NAA30: variants seen among roughly 807,000 people sequenced by gnomAD.
NAA30 encodes N-alpha-acetyltransferase 30, NatC catalytic subunit, also known as N-alpha-acetyltransferase 30.
A neutral mutation model predicts 31.4 loss-of-function variants in NAA30; 5 were observed. The ratio of observed to expected loss-of-function variants is 0.16; its 90% CI spans 0.08 to 0.33. The LOEUF is 0.33. Among genes scored for constraint, NAA30 ranks in the 10% least tolerant of loss-of-function variants. The probability of loss-of-function intolerance (pLI) is 1.00; values close to 1 mark genes in which losing one functional copy is unlikely to be tolerated. For missense variants in NAA30, 428 were observed against 490.8 expected (o/e 0.87, Z 1.21); for synonymous variants, 222 against 207.1 (o/e 1.07, Z -0.62).
At chr14:57,400,886 G>T (rs963124209) in intron 4 of NAA30, among the ~76,000 whole-genome samples, 9 of 89,388 alleles carry the variant, frequency 1.0e-4, no homozygotes, top group South Asian at 7.6e-4. Flanking sequence ...TTGTTGTGGG[G>T]TTTTTTTTTG....
rs2066452693 is a variant in NAA30 at position 57,396,785 on chromosome 14, G to A, written c.805G>A (p.Val269Ile). ...MVGEECVGAI[V>I]CKLDMHKKMF... ...AGGGGAGGAGTGTGTAGGTGCCATC[G>A]TTTGCAAGTTGGATATGCACAAAAA... is the stretch of plus-strand genomic sequence containing the variant. The change falls in exon 3 of 5, where the codon GTT becomes ATT. Residue 269 changes from valine (V) to isoleucine (I), a missense_variant. Around this residue, in one of 2 missense-constraint regions of NAA30, gnomAD observed 79 missense variants for 180.3 expected, o/e 0.44. Transcript: ENST00000556492. The A allele has an allele frequency of 1.2e-5, 20 of 1,614,036 alleles. No individual in the cohort carries two copies. The highest frequency in any genetic ancestry group is 1.7e-5 in the Non-Finnish European group (20 of 1,179,934).
chr14:57,404,279 G>A (rs560868938), intron 4 of NAA30, among the ~76,000 whole-genome samples: 6 of 152,160 alleles, frequency 3.9e-5, no homozygotes, highest in African/African-American at 9.6e-5. Context: ...CCGAGATCGC[G>A]CCATTGCACT....
At chr14:57,400,524 G>T (rs1369750896) in intron 4 of NAA30, among the ~76,000 whole-genome samples, 1 of 152,214 alleles carries the variant, frequency 6.6e-6, no homozygotes, top group Non-Finnish European at 1.5e-5. Flanking sequence ...AACTAGAGAA[G>T]TATAGATGTC....
intron 4 of NAA30, among the ~76,000 whole-genome samples, chr14:57,406,069 T>C (rs929590416): frequency 1.3e-5 from 2 of 152,322 alleles, no homozygotes; most frequent in South Asian, 4.1e-4. Flanking sequence ...AAAAATTAGT[T>C]ACTTTATCCT....
chr14:57,407,015 C>T (rs547608649), intron 4 of NAA30, among the ~76,000 whole-genome samples: 3 of 152,182 alleles, frequency 2.0e-5, no homozygotes, highest in African/African-American at 7.2e-5. Context: ...ACCTCTGCCC[C>T]TCCAAGTAGC....
rs756624234 is a variant in NAA30 at position 57,391,456 on chromosome 14, A to G, written c.499A>G (p.Asn167Asp). 6.2e-7 allele frequency: 1 copy of G among 1,610,438 alleles called. No individual in the cohort carries two copies. The highest frequency in any genetic ancestry group is 1.1e-5 in the South Asian group (1 of 90,926). The change falls in exon 2 of 5, where the codon AAT (asparagine) becomes GAT (aspartate). Residue 167 changes from asparagine (N) to aspartate (D), a missense_variant. Coordinates refer to ENST00000556492, the MANE Select transcript of NAA30 (RefSeq NM_001011713.3). The surrounding 1 kb of genome is among the most constrained non-coding windows in gnomAD (Gnocchi z 4.1). ...AAASDPAAAR[N>D]GLAEGTEQEE... ...GGCGAGCGATCCCGCGGCGGCCCGC[A>G]ATGGACTGGCCGAGGGCACCGAGCA...
rs1482501691 is a variant in NAA30 at position 57,409,374 on chromosome 14, TG to T, written c.952-4del. The T allele has an allele frequency of 7.5e-6, 12 of 1,591,950 alleles. No individual in the cohort carries two copies. The highest frequency in any genetic ancestry group is 9.4e-6 in the Non-Finnish European group (11 of 1,172,556). On this transcript the variant is annotated splice_region_variant and splice_polypyrimidine_tract_variant and intron_variant, in intron 4 of 4. Transcript: ENST00000556492. ...TAACTTAGTTTTTTTCTCATTTCTT[TG>T]AAGGTTGTTTTGGAAACCGAAATAA...
rs1229496310 is a variant in NAA30, at chr14:57,413,175, G to T, written c.*3659G>T. 7.0e-6 allele frequency: 1 copy of T among 142,340 alleles called. No homozygotes were observed. The highest frequency in any genetic ancestry group is 1.5e-5 in the Non-Finnish European group (1 of 65,484). The allele number at this position is 142,340 out of a possible 1,614,324, so 8.8% of individuals were successfully genotyped here. A position where few individuals can be genotyped will look rare whatever the true frequency, so the allele number is the denominator to read the frequency against. ...AGTAAAATAGAGCAATATCCAAAGA[G>T]CTTTTTGCCCCTGTCTTGTGAGGAG... On this transcript the variant is annotated 3_prime_UTR_variant, in exon 5 of 5. Transcript: ENST00000556492.
chr14:57,391,536 C>A lies in NAA30; in HGVS notation c.579C>A (p.Ala193=). Residue 193 remains alanine (A), a synonymous_variant, in exon 2 of 5, where the codon GCC becomes GCA. Transcript: ENST00000556492. The surrounding 1 kb of genome is among the most constrained non-coding windows in gnomAD (Gnocchi z 4.1). ...GGCTGCTGTCTTCGTCCCTGACCGC[C>A]GACTGCAGCTTAAGAAGCCCTTCGG... ...QVRLLSSSLT[A]DCSLRSPSGR... is the part of the protein sequence containing the mutation. 6.2e-7 allele frequency: 1 copy of A among 1,613,894 alleles called. No individual in the cohort carries two copies. Among genetic ancestry groups the A allele is most frequent in the Non-Finnish European group, 8.5e-7 (1 of 1,180,014 alleles).
rs1249637424 is a variant in NAA30, at chr14:57,411,289, A to G, written c.*1773A>G. 2.0e-5 allele frequency: 3 copies of G among 152,124 alleles called. No individual in the cohort carries two copies. Among genetic ancestry groups the G allele is most frequent in the Admixed American group, 6.5e-5 (1 of 15,270 alleles). The allele number at this position is 152,124 out of a possible 1,614,324, so 9.4% of individuals were successfully genotyped here. A position where few individuals can be genotyped will look rare whatever the true frequency, so the allele number is the denominator to read the frequency against. ...ATACAATACTGGTTATAATAAAAAT[A>G]TGGTAACCACACAGTACTCAGCCTT... On this transcript the variant is annotated 3_prime_UTR_variant, in exon 5 of 5. Coordinates refer to ENST00000556492, the MANE Select transcript of NAA30 (RefSeq NM_001011713.3).
rs756029684 is a variant in NAA30 at position 57,391,758 on chromosome 14, C to T, written c.771+30C>T. The T allele has an allele frequency of 3.2e-6, 5 of 1,555,890 alleles. No homozygotes were observed. In the Admixed American group the frequency reaches 8.9e-5, roughly 28 times the overall value. ...GTGGATAGAATAAAAAGAGGGTGAA[C>T]CCAGCAGTGATCGAGACTGTGCGGG... On this transcript the variant is annotated intron_variant, in intron 2 of 4. Transcript: ENST00000556492. The surrounding 1 kb of genome is among the most constrained non-coding windows in gnomAD (Gnocchi z 4.1).
intron 2 of NAA30, among the ~76,000 whole-genome samples, chr14:57,393,546 A>T (rs2066438585): frequency 6.6e-6 from 1 of 152,176 alleles, no homozygotes; most frequent in South Asian, 2.1e-4. Flanking sequence ...CTATTTTTTT[A>T]AAAATACAGA....
Position 57,399,006 on chromosome 14 carries a change from C to T in NAA30, c.896-822C>T, listed in dbSNP as rs1380123914. ...GCCTCCAAAATGCTGGGATTACAGGCGTGAGCCACCACGCCTGGCCAATTT... is the reference window on the plus strand; with the variant it reads ...GCCTCCAAAATGCTGGGATTACAGGTGTGAGCCACCACGCCTGGCCAATTT... On this transcript the variant is annotated intron_variant, in intron 3 of 4. Transcript: ENST00000556492. 3.3e-5 allele frequency among the ~76,000 whole-genome samples: 5 copies of T among 151,796 alleles called. No homozygotes were observed. The East Asian group carries it at 7.7e-4, about 24-fold the overall frequency.
chr14:57,396,623 G>T (rs2066451549), intron 2 of NAA30, 129 bp from the exon 3 acceptor site: 1 of 855,200 alleles, frequency 1.2e-6, no homozygotes, highest in African/African-American at 1.7e-5. Flanking sequence ...TGTGACTGCT[G>T]TCTTGCAAGA....
Position 57,390,949 on chromosome 14 carries a change from G to A in NAA30, c.-1-8G>A. On this transcript the variant is annotated splice_region_variant and splice_polypyrimidine_tract_variant and intron_variant, in intron 1 of 4. Transcript: ENST00000556492. ...ATGGCCTCCCCTCTCGGTCTGTGTC[G>A]CTTCTAGGATGGCGGAGGTACCGCC... 3.4e-6 allele frequency: 5 copies of A among 1,469,448 alleles called. No homozygotes were observed. Among genetic ancestry groups the A allele is most frequent in the Non-Finnish European group, 4.5e-6 (5 of 1,115,618 alleles). The allele number at this position is 1,469,448 out of a possible 1,614,324, so 91.0% of individuals were successfully genotyped here. A position where few individuals can be genotyped will look rare whatever the true frequency, so the allele number is the denominator to read the frequency against.
Position 57,390,971 on chromosome 14 carries a change from C to T in NAA30, c.14C>T (p.Pro5Leu). 1 of 1,484,052 alleles carries T rather than the reference C, an allele frequency of 6.7e-7. No individual in the cohort carries two copies. Among genetic ancestry groups the T allele is most frequent in the Non-Finnish European group, 8.9e-7 (1 of 1,123,980 alleles). The allele number at this position is 1,484,052 out of a possible 1,614,324, so 91.9% of individuals were successfully genotyped here. MAEV[P>L]PGPSSLLPPP... is the part of the protein sequence containing the mutation. ...GTCGCTTCTAGGATGGCGGAGGTAC[C>T]GCCTGGGCCTAGCAGCCTCCTCCCA... The change falls in exon 2 of 5, where the codon CCG becomes CTG. Residue 5 changes from proline (P) to leucine (L), a missense_variant. By Grantham distance (98) the Pro-to-Leu change is moderately conservative (BLOSUM62 -3). This residue lies in a region of NAA30 where 349 missense variants were observed against 310.4 expected (regional missense o/e 1.12). Transcript: ENST00000556492.
chr14:57,390,913 G>A, intron 1 of NAA30, 44 bp from the exon 2 acceptor site: 2 of 1,446,592 alleles, frequency 1.4e-6, no homozygotes, highest in Non-Finnish European at 1.8e-6. Flanking sequence ...CGCGCTCCTC[G>A]GCCGGGTTTC....
Position 57,400,340 on chromosome 14 carries a change from C to T in NAA30, c.951+457C>T, listed in dbSNP as rs540403270. On this transcript the variant is annotated intron_variant, in intron 4 of 4. Coordinates refer to ENST00000556492, the MANE Select transcript of NAA30 (RefSeq NM_001011713.3). ...CACTTTTAAAGAGTAGAGCTATCTG[C>T]GCATTAACATAAGAGCATTTTCTCT... Among the ~76,000 whole-genome samples, 9 of 152,280 alleles carry T rather than the reference C, an allele frequency of 5.9e-5. No individual in the cohort carries two copies. In the South Asian group the frequency reaches 1.7e-3, roughly 28 times the overall value.
In NAA30 at chr14:57,409,426, T is replaced by C; in HGVS notation, c.999T>C (p.Tyr333=). 6.2e-7 allele frequency: 1 copy of C among 1,611,194 alleles called. No homozygotes were observed. The highest frequency in any genetic ancestry group is 8.5e-7 in the Non-Finnish European group (1 of 1,178,796). ...EITNKSALKL[Y]ENLGFVRDKR... is the part of the protein sequence containing the mutation. ...CAAATAAGTCCGCTTTGAAACTTTA[T>C]GAAAATCTTGGTTTTGTTCGAGATA... is the stretch of plus-strand genomic sequence containing the variant. Residue 333 remains tyrosine (Y), a synonymous_variant, in exon 5 of 5, where the codon TAT becomes TAC. Coordinates refer to ENST00000556492, the MANE Select transcript of NAA30 (RefSeq NM_001011713.3).
Sources: gnomAD v4.1 joint callset for allele counts (sites outside exome capture counted in the v4.1 genomes callset) on GRCh38, gnomAD v4.1.1 for gene constraint, gnomAD v4.1.1 regional missense constraint, Gnocchi (gnomAD v3.1) non-coding constraint, MANE v1.5 for transcripts, NCBI Gene and HGNC (gene_info 2026-07-23, HGNC 2026-07-21) for gene names.